The following PTPRO variants were observed in gnomAD, a reference collection of about 807,000 sequenced individuals.
The protein encoded by PTPRO is receptor-type tyrosine-protein phosphatase O.
In PTPRO, 62 loss-of-function variants were observed where a neutral mutation model predicts 145.2. That is an observed-to-expected ratio of 0.43 (90% CI 0.35 to 0.53). The LOEUF is 0.53. Among genes scored for constraint, PTPRO ranks in the 20% least tolerant of loss-of-function variants. PTPRO has a pLI of 0.01. For missense variants in PTPRO, 1,345 were observed against 1,482.7 expected, an observed-to-expected ratio of 0.91 and a Z score of 1.53; for synonymous variants, 565 against 514.7, an observed-to-expected ratio of 1.10 and a Z score of -1.32.
At chr12:15,489,838 C>G (rs901959819) in intron 2 of PTPRO, among the ~76,000 whole-genome samples, 1 of 151,922 alleles carries the variant, frequency 6.6e-6, no homozygotes, top group African/African-American at 2.4e-5. Flanking sequence ...GAAGGCAGCA[C>G]AGAAGAAACA....
intron 17 of PTPRO, 58 bp downstream of exon 17, chr12:15,560,334 G>A (rs980958157): frequency 5.3e-6 from 7 of 1,325,286 alleles, no homozygotes; most frequent in Middle Eastern, 3.7e-4. Context: ...CTTTCAAGAA[G>A]TAAACAAAAA....
Position 15,495,012 on chromosome 12 carries a change from ACTT to A in PTPRO, c.350-2229_350-2227del, listed in dbSNP as rs141818340. On this transcript the variant is annotated intron_variant, in intron 2 of 26. Coordinates refer to ENST00000281171, the MANE Select transcript of PTPRO (RefSeq NM_030667.3). ...AAAAAAGAACTTGAAGCAGTTCAAA[ACTT>A]CTTTGGGAGTTTTGAACTCAAAACA... Among the ~76,000 whole-genome samples the A allele has an allele frequency of 5.2e-3, 788 of 152,256 alleles. 54 individuals carry two copies. The East Asian group carries it at 0.14, about 26-fold the overall frequency.
At chr12:15,443,091 C>G (rs1043348042) in intron 1 of PTPRO, among the ~76,000 whole-genome samples, 16 of 152,122 alleles carry the variant, frequency 1.1e-4, no homozygotes, top group Non-Finnish European at 2.2e-4. Context: ...TGCTACAGTA[C>G]CAAAACAGCA....
chr12:15,380,604 A>G (rs1010696470), intron 1 of PTPRO, among the ~76,000 whole-genome samples: 3 of 152,200 alleles, frequency 2.0e-5, no homozygotes, highest in African/African-American at 7.2e-5. Flanking sequence ...ATTCATCTAA[A>G]GGTGGAATTT....
intron 1 of PTPRO, among the ~76,000 whole-genome samples, chr12:15,396,588 AGG>A (rs1939346312): frequency 6.6e-6 from 1 of 152,204 alleles, no homozygotes; most frequent in African/African-American, 2.4e-5. Flanking sequence ...AAAAATCAAA[AGG>A]GAATTCTTCA....
At chr12:15,583,999 CAG>C (rs1274324588) in intron 23 of PTPRO, among the ~76,000 whole-genome samples, 3 of 152,186 alleles carry the variant, frequency 2.0e-5, no homozygotes, top group South Asian at 2.1e-4. Flanking sequence ...TACTCAAATG[CAG>C]AGTTTCAGCT....
Position 15,360,852 on chromosome 12 carries a change from G to GTGTGTGTATATA in PTPRO, c.75+38064_75+38075dup, listed in dbSNP as rs1555148645. ...TGTATATATATACGTGTGTATATAT[G>GTGTGTGTATATA]TGTGTGTATATATGTGTGTATATAC... On this transcript the variant is annotated intron_variant, in intron 1 of 26. Transcript: ENST00000281171. Among the ~76,000 whole-genome samples, 269 of 110,618 alleles carry GTGTGTGTATATA rather than the reference G, an allele frequency of 2.4e-3. 9 individuals are homozygous for GTGTGTGTATATA. Among genetic ancestry groups the GTGTGTGTATATA allele is most frequent in the African/African-American group, 8.7e-3 (262 of 30,260 alleles). 72.6% of individuals were successfully genotyped at this position (110,618 alleles called of 152,430 possible). A position where few individuals can be genotyped will look rare whatever the true frequency, so the allele number is the denominator to read the frequency against.
In PTPRO at chr12:15,516,998, C is replaced by A. The variant is rs766347283; in HGVS notation, c.1779+42C>A. 26 of 1,524,152 alleles carry A rather than the reference C, an allele frequency of 1.7e-5. No individual in the cohort carries two copies. In the South Asian group the frequency reaches 2.6e-4, roughly 15 times the overall value. The allele number at this position is 1,524,152 out of a possible 1,614,324, so 94.4% of individuals were successfully genotyped here. ...CAACTGTCAGTCTTTCCTATGGGAA[C>A]AGGCAAACCTTTATGTACCAAATGT... On this transcript the variant is annotated intron_variant, in intron 9 of 26. Transcript: ENST00000281171.
In PTPRO at chr12:15,322,663, T is replaced by C; in HGVS notation, c.-64T>C. 6.9e-7 allele frequency: 1 copy of C among 1,441,128 alleles called. No individual in the cohort carries two copies. The highest frequency in any genetic ancestry group is 9.6e-7 in the Non-Finnish European group (1 of 1,044,796). The allele number at this position is 1,441,128 out of a possible 1,614,324, so 89.3% of individuals were successfully genotyped here. A position where few individuals can be genotyped will look rare whatever the true frequency, so the allele number is the denominator to read the frequency against. On this transcript the variant is annotated 5_prime_UTR_variant, in exon 1 of 27. Transcript: ENST00000281171. This position sits in a 1 kb window ranked among gnomAD's most constrained non-coding sequence, Gnocchi z 6.3. Reference sequence around the variant, plus strand: ...TGAGGCTGCAGCCCCAGTTCGCCATTGTGAGCCGCCGCCGGGGGAGTCCGC... The same window carrying C: ...TGAGGCTGCAGCCCCAGTTCGCCATCGTGAGCCGCCGCCGGGGGAGTCCGC...
intron 1 of PTPRO, among the ~76,000 whole-genome samples, chr12:15,457,567 G>T (rs528831113): frequency 6.6e-6 from 1 of 151,498 alleles, no homozygotes; most frequent in Non-Finnish European, 1.5e-5. Flanking sequence ...TTTATCTCTG[G>T]TTATCTTCCT....
intron 2 of PTPRO, among the ~76,000 whole-genome samples, chr12:15,489,381 C>T (rs1304730707): frequency 1.3e-5 from 2 of 152,164 alleles, no homozygotes; most frequent in African/African-American, 4.8e-5. Context: ...CCAAGGACTG[C>T]TGGTTGCCCA....
chr12:15,528,479 C>T (rs1347893313), intron 12 of PTPRO, among the ~76,000 whole-genome samples: 13 of 148,816 alleles, frequency 8.7e-5, no homozygotes, highest in Non-Finnish European at 1.5e-4. Context: ...GAGCCGAGAT[C>T]GCACCACTGC....
intron 13 of PTPRO, 91 bp from the exon 14 acceptor site, chr12:15,549,003 G>T: frequency 7.3e-7 from 1 of 1,375,984 alleles, no homozygotes; most frequent in Non-Finnish European, 1.0e-6. Flanking sequence ...TTTTTACTCT[G>T]TCAATCTATT....
At chr12:15,572,908 C>G (rs139232558) in intron 19 of PTPRO, among the ~76,000 whole-genome samples, 1 of 152,022 alleles carries the variant, frequency 6.6e-6, no homozygotes, top group Non-Finnish European at 1.5e-5. Context: ...GGAAGAGGGA[C>G]GAGGCGTTAA....
intron 12 of PTPRO, among the ~76,000 whole-genome samples, chr12:15,527,400 C>A (rs1942863565): frequency 6.6e-6 from 1 of 152,146 alleles, no homozygotes; most frequent in Non-Finnish European, 1.5e-5. Context: ...TCTGTCCTTG[C>A]CTTAACCCAC....
At chr12:15,365,595 A>G (rs1938336156) in intron 1 of PTPRO, among the ~76,000 whole-genome samples, 1 of 152,176 alleles carries the variant, frequency 6.6e-6, no homozygotes, top group Non-Finnish European at 1.5e-5. Context: ...CATTAGCTAT[A>G]GAAACTTTAC....
At chr12:15,490,890 A>G (rs1430104627) in intron 2 of PTPRO, among the ~76,000 whole-genome samples, 2 of 152,216 alleles carry the variant, frequency 1.3e-5, no homozygotes, top group Non-Finnish European at 2.9e-5. Context: ...TACCGTACAG[A>G]CATTGAAATT....
intron 1 of PTPRO, among the ~76,000 whole-genome samples, chr12:15,451,795 A>C (rs1941052605): frequency 6.6e-6 from 1 of 152,190 alleles, no homozygotes; most frequent in Non-Finnish European, 1.5e-5. Flanking sequence ...ATTTGAACTG[A>C]ACAATAATAG....
At chr12:15,594,427 G>C (rs953268277) in intron 25 of PTPRO, among the ~76,000 whole-genome samples, 4 of 151,460 alleles carry the variant, frequency 2.6e-5, no homozygotes, top group African/African-American at 9.7e-5. Context: ...GTACAGCATG[G>C]TGAACATAGT....
Sources: allele counts gnomAD v4.1 joint callset (sites outside exome capture counted in the v4.1 genomes callset), GRCh38; gene constraint gnomAD v4.1.1; non-coding constraint Gnocchi (gnomAD v3.1); transcripts MANE v1.5; gene names NCBI Gene and HGNC (gene_info 2026-07-23, HGNC 2026-07-21).